Variants in PCBP3 observed in about 807,000 individuals in gnomAD.
PCBP3 encodes the protein poly(rC) binding protein 3.
A neutral mutation model predicts 52.7 loss-of-function variants in PCBP3; 25 were observed. The observed-to-expected ratio is 0.47, with a 90% CI of 0.35 to 0.66. The LOEUF is 0.66. PCBP3 is among the 30% of genes least tolerant of loss of function. The pLI is 0.01. For synonymous variants in PCBP3, 162 were observed against 183.0 expected (o/e 0.89, Z 0.93); for missense variants, 391 against 490.3 (o/e 0.80, Z 1.91).
At chr21:45,868,194 G>T (rs1041999597) in intron 5 of PCBP3, among the ~76,000 whole-genome samples, 3 of 152,236 alleles carry the variant, frequency 2.0e-5, no homozygotes, top group Admixed American at 6.5e-5. Flanking sequence ...TGGTGTTTAC[G>T]CAGAACAAAG....
At chr21:45,862,332 G>A (rs551438397) in intron 5 of PCBP3, among the ~76,000 whole-genome samples, 16 of 152,178 alleles carry the variant, frequency 1.1e-4, no homozygotes, top group African/African-American at 1.9e-4. Context: ...ATGCAATACC[G>A]TGGGGAATCT....
chr21:45,888,355 C>T (rs527270007), intron 5 of PCBP3, among the ~76,000 whole-genome samples: 12 of 152,228 alleles, frequency 7.9e-5, no homozygotes, highest in Non-Finnish European at 1.6e-4. Flanking sequence ...TAATAACTGG[C>T]GTTACCTCCA....
chr21:45,815,012 TGATGAGTGAGTGGTG>T (rs1487007299), intron 4 of PCBP3, among the ~76,000 whole-genome samples: 2 of 98,614 alleles, frequency 2.0e-5, no homozygotes, highest in African/African-American at 4.3e-5. Flanking sequence ...GAGTGGTGAG[TGATGAGTGAGTGGTG>T]AGTGAGTGAT....
intron 4 of PCBP3, among the ~76,000 whole-genome samples, chr21:45,826,044 A>C (rs2093299037): frequency 6.6e-6 from 1 of 152,156 alleles, no homozygotes; most frequent in African/African-American, 2.4e-5. Context: ...GGCCAAGGCA[A>C]GGTTGGGAGT....
At position 45,741,101 on chromosome 21, in the gene PCBP3, T is replaced by C. The variant is rs2086414726; in HGVS notation, c.-162+5672T>C. Among the ~76,000 whole-genome samples, 1 of 152,022 alleles carries C rather than the reference T, an allele frequency of 6.6e-6. No homozygotes were observed. Among genetic ancestry groups the C allele is most frequent in the South Asian group, 2.1e-4 (1 of 4,810 alleles). On this transcript the variant is annotated intron_variant, in intron 3 of 17. Coordinates refer to ENST00000681687, the MANE Select transcript of PCBP3 (RefSeq NM_001384156.1). This position sits in a 1 kb window ranked among gnomAD's most constrained non-coding sequence, Gnocchi z 4.5. The stretch of plus-strand genomic sequence containing the variant: ...ATTTGGCCCCAGAGCACTGGGAACC[T>C]AGGAACAGACACAGGAGGGAGGGAA...
intron 12 of PCBP3, chr21:45,914,250 C>G: frequency 1.5e-6 from 1 of 650,730 alleles, no homozygotes; most frequent in Non-Finnish European, 2.5e-6. Context: ...CATGTTCTCC[C>G]TCCCTGACCC....
At chr21:45,840,466 A>T (rs1003594061) in intron 4 of PCBP3, among the ~76,000 whole-genome samples, 1 of 151,916 alleles carries the variant, frequency 6.6e-6, no homozygotes, top group African/African-American at 2.4e-5. Context: ...CAAAAAAAAA[A>T]AAAAAAAAAA....
chr21:45,693,202 A>G (rs1201199515), intron 2 of PCBP3, among the ~76,000 whole-genome samples: 3 of 152,148 alleles, frequency 2.0e-5, no homozygotes, highest in Admixed American at 2.0e-4. Flanking sequence ...AATAGTGAAC[A>G]CTTACCTCCT....
rs577450486 is a variant in PCBP3 at position 45,941,699 on chromosome 21, C to T, written c.1109C>T (p.Thr370Met). The change falls in exon 18 of 18, where the codon ACG becomes ATG. Residue 370 changes from threonine to methionine, a missense_variant. By Grantham distance (81) the Thr-to-Met change is moderately conservative. Transcript: ENST00000681687. ...RLTSEVTGMGTL is the reference protein window; with the variant it reads ...RLTSEVTGMGML ...ACGTCCGAGGTCACCGGGATGGGCA[C>T]GCTGTAATCCTACCCAGCACCCTTC... 1,073 of 1,605,718 alleles carry T rather than the reference C, an allele frequency of 6.7e-4. 25 individuals are homozygous for T. In the South Asian group the frequency reaches 0.01, roughly 16 times the overall value.
intron 4 of PCBP3, among the ~76,000 whole-genome samples, chr21:45,790,467 G>A (rs188562176): frequency 1.3e-5 from 2 of 152,304 alleles, no homozygotes; most frequent in Admixed American, 1.3e-4. Flanking sequence ...ACCCAGGAGA[G>A]GTGGACTTGT....
In PCBP3 at chr21:45,929,971, G is replaced by A. The variant is rs762002234; in HGVS notation, c.772G>A (p.Gly258Arg). The change falls in exon 14 of 18, where the codon GGA (glycine) becomes AGA (arginine). Residue 258 changes from glycine (G) to arginine (R), a missense_variant. Coordinates refer to ENST00000681687, the MANE Select transcript of PCBP3 (RefSeq NM_001384156.1). ...AMQQTPFPPL[G>R]QTNPAFPGEK... ...GCAGCAAACCCCCTTTCCTCCCCTC[G>A]GACAGACCAACCCCGCTTTCCCCGG... 4 of 1,613,586 alleles carry A rather than the reference G, an allele frequency of 2.5e-6. No homozygotes were observed. Among genetic ancestry groups the A allele is most frequent in the Non-Finnish European group, 2.5e-6 (3 of 1,179,780 alleles).
At chr21:45,770,772 G>A (rs2089801034) in intron 4 of PCBP3, among the ~76,000 whole-genome samples, 1 of 152,206 alleles carries the variant, frequency 6.6e-6, no homozygotes, top group African/African-American at 2.4e-5. Flanking sequence ...AAGGGGGCTT[G>A]GTGGCCTCTG....
chr21:45,742,277 T>G (rs2086508507), intron 3 of PCBP3, among the ~76,000 whole-genome samples: 1 of 152,218 alleles, frequency 6.6e-6, no homozygotes, highest in Non-Finnish European at 1.5e-5. Context: ...CAGGTTGATC[T>G]CAAAAGTGCA....
chr21:45,911,607 G>T (rs547309537), intron 11 of PCBP3, among the ~76,000 whole-genome samples: 3 of 152,260 alleles, frequency 2.0e-5, no homozygotes, highest in Admixed American at 6.5e-5. Context: ...GAAGTTTCGG[G>T]GGGAGGAAAA....
intron 4 of PCBP3, among the ~76,000 whole-genome samples, chr21:45,823,119 C>T (rs991706719): frequency 4.6e-5 from 7 of 152,170 alleles, no homozygotes; most frequent in Non-Finnish European, 7.3e-5. Context: ...CTCACATTGA[C>T]GTAGTGGGTG....
rs2086442773 is a variant in PCBP3, at chr21:45,741,404, G to A, written c.-162+5975G>A. Among the ~76,000 whole-genome samples the A allele has an allele frequency of 6.6e-6, 1 of 152,190 alleles. No individual in the cohort carries two copies. Among genetic ancestry groups the A allele is most frequent in the South Asian group, 2.1e-4 (1 of 4,834 alleles). ...AGCGAGGGGAGTCCTGGAAAGTGGG[G>A]AGGAGGGCGAGGTAGGGGCTCAGGA... On this transcript the variant is annotated intron_variant, in intron 3 of 17. Transcript: ENST00000681687. This position sits in a 1 kb window ranked among gnomAD's most constrained non-coding sequence, Gnocchi z 4.5.
chr21:45,745,043 C>T (rs915315915), intron 3 of PCBP3, among the ~76,000 whole-genome samples: 6 of 152,134 alleles, frequency 3.9e-5, no homozygotes, highest in Non-Finnish European at 7.3e-5. Context: ...CAGGCTGTCA[C>T]GGAGCAGCAG....
At chr21:45,861,736 C>T (rs149771724) in intron 5 of PCBP3, among the ~76,000 whole-genome samples, 1,574 of 152,332 alleles carry the variant, frequency 0.01, 23 homozygotes, top group South Asian at 0.048. Flanking sequence ...GCTTCTCGCC[C>T]TGCACTTCAG....
At chr21:45,892,461 G>C (rs553838346) in intron 5 of PCBP3, among the ~76,000 whole-genome samples, 1 of 118,018 alleles carries the variant, frequency 8.5e-6, no homozygotes, top group Admixed American at 8.6e-5. Context: ...TCCCGTCTCT[G>C]ACGGGGCGTG....
Sources: gnomAD v4.1 joint callset for allele counts (sites outside exome capture counted in the v4.1 genomes callset) on GRCh38, gnomAD v4.1.1 for gene constraint, Gnocchi (gnomAD v3.1) non-coding constraint, MANE v1.5 for transcripts, NCBI Gene and HGNC (gene_info 2026-07-23, HGNC 2026-07-21) for gene names.